The following PCDHA1 variants were observed in gnomAD, a reference collection of about 807,000 sequenced individuals.
The protein encoded by PCDHA1 is protocadherin alpha-1.
PCDHA1 carries 42 observed loss-of-function variants against 61.3 expected under a neutral mutation model. The ratio of observed to expected loss-of-function variants is 0.69; its 90% CI spans 0.54 to 0.89. The LOEUF is 0.89. PCDHA1 is among the 40% of genes least tolerant of loss of function. The probability of loss-of-function intolerance (pLI) is 0.00; values close to 1 mark genes in which losing one functional copy is unlikely to be tolerated. For synonymous variants in PCDHA1, 610 were observed against 553.8 expected (o/e 1.10, Z -1.43); for missense variants, 1,256 against 1,235.3 (o/e 1.02, Z -0.25).
intron 3 of PCDHA1, among the ~76,000 whole-genome samples, chr5:140,999,483 T>G (rs1316785085): frequency 3.3e-5 from 5 of 152,152 alleles, no homozygotes; most frequent in Admixed American, 2.6e-4. Flanking sequence ...CCAACTCAAG[T>G]CTATGTTACC....
At chr5:140,840,995 T>C (rs1776967728) in intron 1 of PCDHA1, among the ~76,000 whole-genome samples, 1 of 152,016 alleles carries the variant, frequency 6.6e-6, no homozygotes. Context: ...CTGAAACTAA[T>C]GTAAGGAGCC....
At chr5:140,828,241 G>A (rs201142330) in intron 1 of PCDHA1, 20 of 1,613,960 alleles carry the variant, frequency 1.2e-5, no homozygotes, top group East Asian at 6.7e-5. Context: ...GGATCGCGCA[G>A]GACCTGGGGC....
intron 1 of PCDHA1, chr5:140,856,004 T>C (rs782001586): frequency 6.5e-7 from 1 of 1,538,284 alleles, no homozygotes; most frequent in Non-Finnish European, 8.8e-7. Context: ...GTATGTGCGT[T>C]CTAGACCGCT....
chr5:140,961,715 A>G (rs1363525264), intron 1 of PCDHA1, among the ~76,000 whole-genome samples: 2 of 152,160 alleles, frequency 1.3e-5, no homozygotes, highest in Non-Finnish European at 2.9e-5. Flanking sequence ...TTCATTTCTA[A>G]GTGCTCATAA....
chr5:140,927,192 G>T, intron 1 of PCDHA1: 4 of 1,614,154 alleles, frequency 2.5e-6, no homozygotes, highest in Non-Finnish European at 3.4e-6. Flanking sequence ...ACGACCTGGT[G>T]CTCGAGGACC....
chr5:141,010,381 T>C lies in PCDHA1; in HGVS notation c.*444T>C. On this transcript the variant is annotated 3_prime_UTR_variant, in exon 4 of 4. Transcript: ENST00000504120. ...ACCGCGGGTATGCGAGTGCCAGATA[T>C]TGGCTGAGACGAGCCAGCTTAGACT... 2.8e-6 allele frequency: 4 copies of C among 1,442,848 alleles called. No homozygotes were observed. The highest frequency in any genetic ancestry group is 2.8e-6 in the Non-Finnish European group (3 of 1,086,990). The allele number at this position is 1,442,848 out of a possible 1,614,324, so 89.4% of individuals were successfully genotyped here.
At chr5:140,883,871 G>A (rs1554180366) in intron 1 of PCDHA1, 2 of 1,613,242 alleles carry the variant, frequency 1.2e-6, no homozygotes, top group African/African-American at 2.7e-5. Context: ...GCAGTTCCAG[G>A]TGAGCGCGCG....
At chr5:140,906,162 G>A (rs1421474866) in intron 1 of PCDHA1, among the ~76,000 whole-genome samples, 1 of 152,064 alleles carries the variant, frequency 6.6e-6, no homozygotes, top group Non-Finnish European at 1.5e-5. Flanking sequence ...GACACACCCA[G>A]GAACAATACT....
At chr5:140,809,053 C>T (rs1307759029) in intron 1 of PCDHA1, 4 of 1,613,756 alleles carry the variant, frequency 2.5e-6, no homozygotes, top group African/African-American at 2.7e-5. Context: ...GCATCCCGTT[C>T]CGCGTGGGGC....
chr5:140,951,076 A>G (rs2094545866), intron 1 of PCDHA1, among the ~76,000 whole-genome samples: 1 of 151,566 alleles, frequency 6.6e-6, no homozygotes, highest in Non-Finnish European at 1.5e-5. Flanking sequence ...GCTTTCTTAT[A>G]TTTTCCTTTT....
Position 140,802,380 on chromosome 5 carries a change from T to A in PCDHA1, c.2394+13696T>A, listed in dbSNP as rs782625772. The A allele has an allele frequency of 5.4e-5, 87 of 1,614,132 alleles. No individual in the cohort carries two copies. The highest frequency in any genetic ancestry group is 6.4e-5 in the Non-Finnish European group (75 of 1,180,040). On this transcript the variant is annotated intron_variant, in intron 1 of 3. Coordinates refer to ENST00000504120, the MANE Select transcript of PCDHA1 (RefSeq NM_018900.4). ...CTGCTCGCTGACGCCCCACGTCCCC[T>A]TCAAGCTGGTGTCCACCTTCAAGAA...
intron 1 of PCDHA1, among the ~76,000 whole-genome samples, chr5:140,906,601 A>G (rs1337843589): frequency 6.6e-6 from 1 of 152,156 alleles, no homozygotes; most frequent in Non-Finnish European, 1.5e-5. Flanking sequence ...TCTACTACTC[A>G]TTCTGTATTC....
rs2150329529 is a variant in PCDHA1, at chr5:140,842,109, A to G, written c.2394+53425A>G. 642 of 1,613,342 alleles carry G rather than the reference A, an allele frequency of 4.0e-4. 8 individuals are homozygous for G. Among genetic ancestry groups the G allele is most frequent in the South Asian group, 3.7e-3 (331 of 90,644 alleles). On this transcript the variant is annotated intron_variant, in intron 1 of 3. Transcript: ENST00000504120. ...GCAGACAACGGAACAACAGTTATCA[A>G]ACTGAATGCTTCTGATCCGGATGAA...
At chr5:140,809,320 G>A (rs1764426395) in intron 1 of PCDHA1, 2 of 1,613,974 alleles carry the variant, frequency 1.2e-6, no homozygotes. Context: ...CCAGCCTTTT[G>A]GTGCTCACGC....
rs541589842 is a variant in PCDHA1, at chr5:140,964,001, A to G, written c.2395-14948A>G. Reference sequence around the variant, plus strand: ...TCTATATTCCTAATTACTGTGTTCTACTTTTTAATAGAGAGCTCTTGAAGG... The same window carrying G: ...TCTATATTCCTAATTACTGTGTTCTGCTTTTTAATAGAGAGCTCTTGAAGG... On this transcript the variant is annotated intron_variant, in intron 1 of 3. Transcript: ENST00000504120. Among the ~76,000 whole-genome samples the G allele has an allele frequency of 9.2e-5, 14 of 152,286 alleles. No homozygotes were observed. The South Asian group carries it at 2.7e-3, about 29-fold the overall frequency.
At chr5:140,929,207 G>C (rs782298445) in intron 1 of PCDHA1, 2 of 1,613,988 alleles carry the variant, frequency 1.2e-6, no homozygotes, top group Admixed American at 1.7e-5. Context: ...TTGCTGTTGC[G>C]TGGGGAGTAC....
chr5:140,804,684 C>A (rs1266870700), intron 1 of PCDHA1: 1 of 162,264 alleles, frequency 6.2e-6, no homozygotes, highest in African/African-American at 2.4e-5. Flanking sequence ...CTCCAAATAA[C>A]CAGAACCAAA....
intron 3 of PCDHA1, 32 bp from the exon 4 acceptor site, chr5:141,009,595 C>T (rs781807814): frequency 6.2e-7 from 1 of 1,604,124 alleles, no homozygotes; most frequent in Admixed American, 1.7e-5. Context: ...TGTGTTGACC[C>T]TGTTAATGAT....
intron 1 of PCDHA1, chr5:140,850,751 G>A (rs2041804257): frequency 6.3e-7 from 1 of 1,597,836 alleles, no homozygotes; most frequent in Non-Finnish European, 8.6e-7. Flanking sequence ...CGTACTCGCA[G>A]CAGAGGAGGC....
Sources: allele counts gnomAD v4.1 joint callset (sites outside exome capture counted in the v4.1 genomes callset), GRCh38; gene constraint gnomAD v4.1.1; transcripts MANE v1.5; gene names NCBI Gene and HGNC (gene_info 2026-07-23, HGNC 2026-07-21).